FAM241A: variants seen among roughly 807,000 people sequenced by gnomAD.
FAM241A encodes the protein family with sequence similarity 241 member A.
In FAM241A, 7 loss-of-function variants were observed where a neutral mutation model predicts 12.2. That is an observed-to-expected ratio of 0.58 (90% confidence interval 0.33 to 1.08). The LOEUF is 1.08. FAM241A is among the 50% of genes least tolerant of loss of function. The pLI is 0.04. For missense variants in FAM241A, 161 were observed against 169.7 expected (o/e 0.95, Z 0.29); for synonymous variants, 74 against 68.2 (o/e 1.08, Z -0.42).
chr4:112,147,376 T>G (rs995615909), intron 1 of FAM241A, among the ~76,000 whole-genome samples: 2 of 152,176 alleles, frequency 1.3e-5, no homozygotes, highest in Admixed American at 6.6e-5. Context: ...TAATTGAAAA[T>G]CACACCGGAG....
intron 1 of FAM241A, among the ~76,000 whole-genome samples, chr4:112,170,294 T>TG (rs1723690579): frequency 6.6e-6 from 1 of 152,174 alleles, no homozygotes; most frequent in Non-Finnish European, 1.5e-5. Context: ...AGACCCCCAG[T>TG]GGATGCCTGA....
rs564108135 is a variant in FAM241A at position 112,185,477 on chromosome 4, T to C, written c.154-1216T>C. On this transcript the variant is annotated intron_variant, in intron 1 of 1. Coordinates refer to ENST00000309733, the MANE Select transcript of FAM241A (RefSeq NM_152400.3). ...GTGCTTTAACAAGCCCTCCAGCGGA[T>C]TCTAACGCATGCTAAAGTTTAAAAA... Among the ~76,000 whole-genome samples, 273 of 152,282 alleles carry C rather than the reference T, an allele frequency of 1.8e-3. 2 individuals are homozygous for C. The highest frequency in any genetic ancestry group is 6.3e-3 in the African/African-American group (260 of 41,556).
intron 1 of FAM241A, among the ~76,000 whole-genome samples, chr4:112,181,237 T>C (rs941103836): frequency 1.3e-5 from 2 of 152,014 alleles, no homozygotes; most frequent in Non-Finnish European, 2.9e-5. Flanking sequence ...ACAACAGAAA[T>C]ACTGCTAATC....
At position 112,193,117 on chromosome 4, in the gene FAM241A, A is replaced by G. The variant is rs1355653045; in HGVS notation, c.*6179A>G. The G allele has an allele frequency of 1.3e-5, 2 of 151,456 alleles. No homozygotes were observed. The highest frequency in any genetic ancestry group is 6.6e-5 in the Admixed American group (1 of 15,234). 9.4% of individuals were successfully genotyped at this position (151,456 alleles called of 1,614,324 possible). On this transcript the variant is annotated 3_prime_UTR_variant, in exon 2 of 2. Transcript: ENST00000309733. ...GGTCAGTGATGGTGAGCATTTTTTC[A>G]TGTGTTTTTTGGCTGCATAAATGTC...
chr4:112,161,787 G>A (rs1723475772), intron 1 of FAM241A, among the ~76,000 whole-genome samples: 1 of 152,134 alleles, frequency 6.6e-6, no homozygotes, highest in Non-Finnish European at 1.5e-5. Context: ...GAAAAAGAAG[G>A]AATCCTTCCT....
intron 1 of FAM241A, among the ~76,000 whole-genome samples, chr4:112,156,713 A>G (rs753576470): frequency 2.6e-5 from 4 of 152,232 alleles, no homozygotes; most frequent in Non-Finnish European, 5.9e-5. Context: ...GACTTTGTGT[A>G]TAACAGGAAC....
intron 1 of FAM241A, among the ~76,000 whole-genome samples, chr4:112,164,210 A>G (rs1442208773): frequency 6.6e-6 from 1 of 151,874 alleles, no homozygotes; most frequent in Non-Finnish European, 1.5e-5. Context: ...ACATGTATAC[A>G]TGTGTAACAA....
Position 112,186,859 on chromosome 4 carries a change from T to G in FAM241A, c.320T>G (p.Val107Gly). 6.2e-7 allele frequency: 1 copy of G among 1,614,076 alleles called. No individual in the cohort carries two copies. Among genetic ancestry groups the G allele is most frequent in the Non-Finnish European group, 8.5e-7 (1 of 1,179,974 alleles). ...CCAGTAATAGTCATTTTCTTTTGGG[T>G]TATGCTGTGGTTCCTTGGCCTGCAA... ...VEPVIVIFFW[V>G]MLWFLGLQAL... Residue 107 changes from valine to glycine, a missense_variant, in exon 2 of 2, where the codon GTT (valine) becomes GGT (glycine). Val to Gly is a moderately radical substitution (Grantham distance 109). Transcript: ENST00000309733.
intron 1 of FAM241A, among the ~76,000 whole-genome samples, chr4:112,179,926 T>C (rs1422176537): frequency 1.6e-5 from 2 of 127,566 alleles, no homozygotes; most frequent in South Asian, 2.3e-4. Context: ...TATATATATA[T>C]ATATATATAT....
chr4:112,156,934 T>G (rs781281257), intron 1 of FAM241A, among the ~76,000 whole-genome samples: 17 of 152,192 alleles, frequency 1.1e-4, no homozygotes, highest in Non-Finnish European at 2.2e-4. Flanking sequence ...AAATTTTGAA[T>G]TCTGTTTTTT....
chr4:112,159,180 G>T (rs1723412573), intron 1 of FAM241A, among the ~76,000 whole-genome samples: 1 of 152,140 alleles, frequency 6.6e-6, no homozygotes, highest in Non-Finnish European at 1.5e-5. Flanking sequence ...TACCTACTTG[G>T]CTGTGCCCCT....
chr4:112,181,500 G>T (rs1176571712), intron 1 of FAM241A, among the ~76,000 whole-genome samples: 1 of 152,148 alleles, frequency 6.6e-6, no homozygotes, highest in Non-Finnish European at 1.5e-5. Context: ...GGATATCAGT[G>T]GCCAGCAAAA....
At position 112,192,854 on chromosome 4, in the gene FAM241A, A is replaced by G. The variant is rs2110439889; in HGVS notation, c.*5916A>G. 6.6e-6 allele frequency: 1 copy of G among 152,094 alleles called. No homozygotes were observed. Among genetic ancestry groups the G allele is most frequent in the East Asian group, 1.9e-4 (1 of 5,186 alleles). 9.4% of individuals were successfully genotyped at this position (152,094 alleles called of 1,614,324 possible). A position where few individuals can be genotyped will look rare whatever the true frequency, so the allele number is the denominator to read the frequency against. On this transcript the variant is annotated 3_prime_UTR_variant, in exon 2 of 2. Transcript: ENST00000309733. ...CAGCATGATTTATAGTCCTTTGAGT[A>G]TATACCCAGTAATGGGATGGCTGGG...
intron 1 of FAM241A, among the ~76,000 whole-genome samples, chr4:112,160,364 C>T (rs934764151): frequency 3.4e-5 from 5 of 148,598 alleles, no homozygotes; most frequent in African/African-American, 1.3e-4. Flanking sequence ...AAGATCACAC[C>T]ACTGTACTCC....
rs1031376344 is a variant in FAM241A, at chr4:112,190,903, C to G, written c.*3965C>G. On this transcript the variant is annotated 3_prime_UTR_variant, in exon 2 of 2. Transcript: ENST00000309733. ...CACATCACTCCACACAGCAGCTCGG[C>G]AATGTCACCACTCCCGTGGCTGCAG... 1 of 152,194 alleles carries G rather than the reference C, an allele frequency of 6.6e-6. No individual in the cohort carries two copies. Among genetic ancestry groups the G allele is most frequent in the African/African-American group, 2.4e-5 (1 of 41,404 alleles). The allele number at this position is 152,194 out of a possible 1,614,324, so 9.4% of individuals were successfully genotyped here. A position where few individuals can be genotyped will look rare whatever the true frequency, so the allele number is the denominator to read the frequency against.
rs957022735 is a variant in FAM241A at position 112,191,782 on chromosome 4, G to GCA, written c.*4846_*4847dup. The GCA allele has an allele frequency of 4.6e-5, 7 of 152,110 alleles. No individual in the cohort carries two copies. The highest frequency in any genetic ancestry group is 3.9e-4 in the Admixed American group (6 of 15,272). The allele number at this position is 152,110 out of a possible 1,614,324, so 9.4% of individuals were successfully genotyped here. A position where few individuals can be genotyped will look rare whatever the true frequency, so the allele number is the denominator to read the frequency against. Reference sequence around the variant, plus strand: ...GTGCAACCCTGTGCTTTCCAGGTCAGCACTTCTCATGCTATATTGCAATAG... The same window carrying GCA: ...GTGCAACCCTGTGCTTTCCAGGTCAGCACACTTCTCATGCTATATTGCAATAG... On this transcript the variant is annotated 3_prime_UTR_variant, in exon 2 of 2. Transcript: ENST00000309733.
intron 1 of FAM241A, among the ~76,000 whole-genome samples, chr4:112,183,424 G>A (rs920043019): frequency 4.0e-5 from 6 of 151,874 alleles, no homozygotes; most frequent in Admixed American, 1.3e-4. Context: ...CTGTCTCCTC[G>A]CCTGGCCTGA....
intron 1 of FAM241A, among the ~76,000 whole-genome samples, chr4:112,180,446 T>G (rs1723911226): frequency 2.0e-5 from 3 of 152,164 alleles, no homozygotes; most frequent in Admixed American, 2.0e-4. Context: ...ATACAGTATT[T>G]ATGAAGAATT....
At chr4:112,150,910 G>A (rs1723234311) in intron 1 of FAM241A, among the ~76,000 whole-genome samples, 1 of 152,212 alleles carries the variant, frequency 6.6e-6, no homozygotes, top group Non-Finnish European at 1.5e-5. Context: ...TCTAGCATGT[G>A]AGTGTTAGCT....
Sources: allele counts gnomAD v4.1 joint callset (sites outside exome capture counted in the v4.1 genomes callset), GRCh38; gene constraint gnomAD v4.1.1; transcripts MANE v1.5; gene names NCBI Gene and HGNC (gene_info 2026-07-23, HGNC 2026-07-21).